Variants in GNA12 observed in about 807,000 individuals in gnomAD.
GNA12 encodes the protein guanine nucleotide-binding protein subunit alpha-12.
Under a neutral mutation model 26.0 loss-of-function variants are expected in GNA12, and 9 were observed. That is an observed-to-expected ratio of 0.35 (90% CI 0.21 to 0.60). The LOEUF (loss-of-function observed/expected upper bound fraction) is 0.60, where lower values mean the gene tolerates loss of function less well. GNA12 is among the 20% of genes least tolerant of loss of function. The pLI, the probability that GNA12 is intolerant of heterozygous loss-of-function variation, is 0.78. For synonymous variants in GNA12, 264 were observed against 219.6 expected (o/e 1.20, Z -1.79); for missense variants, 405 against 525.8 (o/e 0.77, Z 2.25).
intron 1 of GNA12, among the ~76,000 whole-genome samples, chr7:2,809,664 G>T (rs547181275): frequency 4.1e-4 from 62 of 152,194 alleles, no homozygotes; most frequent in African/African-American, 1.5e-3. Flanking sequence ...CAATAAAAAT[G>T]AAAAAGCCTA....
intron 2 of GNA12, among the ~76,000 whole-genome samples, chr7:2,748,746 T>G (rs1227401963): frequency 6.6e-6 from 1 of 152,122 alleles, no homozygotes; most frequent in African/African-American, 2.4e-5. Context: ...GGAGAAAATT[T>G]TTGCAACCTA....
At chr7:2,745,037 A>G (rs965436284) in intron 2 of GNA12, among the ~76,000 whole-genome samples, 1 of 152,202 alleles carries the variant, frequency 6.6e-6, no homozygotes, top group East Asian at 1.9e-4. Context: ...CCAAATCTAC[A>G]TCTGATTGGT....
At chr7:2,770,238 A>G (rs559801414) in intron 2 of GNA12, among the ~76,000 whole-genome samples, 2 of 152,228 alleles carry the variant, frequency 1.3e-5, no homozygotes, top group African/African-American at 2.4e-5. Context: ...GAGAGTCCCA[A>G]TTTGAGTCAA....
At chr7:2,740,330 A>T (rs1292754270) in intron 2 of GNA12, among the ~76,000 whole-genome samples, 2 of 152,240 alleles carry the variant, frequency 1.3e-5, no homozygotes, top group African/African-American at 4.8e-5. Flanking sequence ...GACTGAAGGT[A>T]GGGACCTCAT....
intron 1 of GNA12, among the ~76,000 whole-genome samples, chr7:2,840,885 C>G (rs1778971276): frequency 1.3e-5 from 2 of 152,116 alleles, no homozygotes; most frequent in South Asian, 4.1e-4. Context: ...AAAATAGTCT[C>G]TTCTCAAAGT....
intron 1 of GNA12, among the ~76,000 whole-genome samples, chr7:2,809,718 T>C (rs1354655575): frequency 6.6e-6 from 1 of 152,200 alleles, no homozygotes; most frequent in Non-Finnish European, 1.5e-5. Flanking sequence ...CTTACTTTAC[T>C]GTGGTGGATA....
At chr7:2,771,994 C>T (rs921397593) in intron 2 of GNA12, among the ~76,000 whole-genome samples, 2 of 152,180 alleles carry the variant, frequency 1.3e-5, no homozygotes, top group African/African-American at 2.4e-5. Flanking sequence ...TGTCTCACCA[C>T]GGTGTTCAAC....
chr7:2,735,028 T>G (rs1437102959), intron 2 of GNA12, among the ~76,000 whole-genome samples: 1 of 152,206 alleles, frequency 6.6e-6, no homozygotes, highest in Non-Finnish European at 1.5e-5. Context: ...CCCGTGGCTG[T>G]GCCAAGTCCC....
At chr7:2,828,278 T>C (rs1163495485) in intron 1 of GNA12, among the ~76,000 whole-genome samples, 1 of 152,254 alleles carries the variant, frequency 6.6e-6, no homozygotes, top group African/African-American at 2.4e-5. Flanking sequence ...CTAAATTATA[T>C]TCCTAAGGAT....
chr7:2,780,048 G>GTATATATATATATATATATATATA (rs1554259618), intron 2 of GNA12, among the ~76,000 whole-genome samples: 3 of 84,732 alleles, frequency 3.5e-5, no homozygotes, highest in African/African-American at 1.1e-4. Flanking sequence ...ACATTTCTGT[G>GTATATATATATATATATATATATA]TACATATATA....
At chr7:2,778,697 G>C (rs753095740) in intron 2 of GNA12, among the ~76,000 whole-genome samples, 3 of 152,214 alleles carry the variant, frequency 2.0e-5, no homozygotes, top group African/African-American at 4.8e-5. Context: ...GCTAAGCATG[G>C]TGCTAGATGT....
intron 2 of GNA12, among the ~76,000 whole-genome samples, chr7:2,745,310 C>T (rs1435563823): frequency 1.3e-5 from 2 of 152,258 alleles, no homozygotes; most frequent in Non-Finnish European, 2.9e-5. Context: ...ATCAGACTAA[C>T]AGCTGATCTC....
intron 1 of GNA12, among the ~76,000 whole-genome samples, chr7:2,841,867 T>C (rs1418179070): frequency 6.6e-6 from 1 of 152,128 alleles, no homozygotes; most frequent in Non-Finnish European, 1.5e-5. Context: ...TAAAACCTAG[T>C]CTCCAGGCAG....
chr7:2,746,618 C>T (rs1790774970), intron 2 of GNA12, among the ~76,000 whole-genome samples: 1 of 152,010 alleles, frequency 6.6e-6, no homozygotes, highest in African/African-American at 2.4e-5. Context: ...ACTAGAAAAG[C>T]AAGAACAAAC....
chr7:2,769,730 C>T (rs898870311), intron 2 of GNA12, among the ~76,000 whole-genome samples: 1 of 151,928 alleles, frequency 6.6e-6, no homozygotes, highest in African/African-American at 2.4e-5. Flanking sequence ...GAGACTCTGT[C>T]TCAGAAAAAA....
At position 2,734,951 on chromosome 7, in the gene GNA12, C is replaced by T. The variant is rs116172080; in HGVS notation, c.526-1450G>A. Reference sequence around the variant, plus strand: ...GCACGACTGACCTCTCGTGCCTGCTCTCTCCCTTCCTCGCCAAGCCCCCGT... The same window carrying T: ...GCACGACTGACCTCTCGTGCCTGCTTTCTCCCTTCCTCGCCAAGCCCCCGT... On this transcript the variant is annotated intron_variant, in intron 2 of 3. Transcript: ENST00000275364. Among the ~76,000 whole-genome samples the T allele has an allele frequency of 9.1e-3, 1,388 of 152,300 alleles. 13 individuals carry two copies. Among genetic ancestry groups the T allele is most frequent in the African/African-American group, 0.032 (1,312 of 41,562 alleles).
At chr7:2,748,650 A>C (rs1266124328) in intron 2 of GNA12, among the ~76,000 whole-genome samples, 1 of 152,228 alleles carries the variant, frequency 6.6e-6, no homozygotes, top group Middle Eastern at 3.2e-3. Flanking sequence ...AAAAGCCAAA[A>C]TTGACAAATG....
At chr7:2,732,566 A>G (rs1199208177) in intron 3 of GNA12, among the ~76,000 whole-genome samples, 1 of 152,150 alleles carries the variant, frequency 6.6e-6, no homozygotes, top group Non-Finnish European at 1.5e-5. Flanking sequence ...AAAACAAAAC[A>G]GAACAAAAAA....
At chr7:2,817,482 C>T (rs1793244318) in intron 1 of GNA12, among the ~76,000 whole-genome samples, 1 of 152,212 alleles carries the variant, frequency 6.6e-6, no homozygotes, top group South Asian at 2.1e-4. Context: ...CCCCAGCCAC[C>T]CCATGTCCAC....
Sources: allele counts gnomAD v4.1 joint callset (sites outside exome capture counted in the v4.1 genomes callset), GRCh38; gene constraint gnomAD v4.1.1; transcripts MANE v1.5; gene names NCBI Gene and HGNC (gene_info 2026-07-23, HGNC 2026-07-21).